The following ARHGEF28 variants were observed in gnomAD, a reference collection of about 807,000 sequenced individuals.
ARHGEF28 encodes 190 kDa guanine nucleotide exchange factor.
Under a neutral mutation model 206.6 loss-of-function variants are expected in ARHGEF28, and 152 were observed. That is an observed-to-expected ratio of 0.74 (90% CI 0.64 to 0.84). The LOEUF (loss-of-function observed/expected upper bound fraction) is 0.84, where lower values mean the gene tolerates loss of function less well. ARHGEF28 is among the 40% of genes least tolerant of loss of function. ARHGEF28 has a pLI of 0.00. For missense variants in ARHGEF28, 2,028 were observed against 2,073.2 expected (o/e 0.98, Z 0.42); for synonymous variants, 763 against 776.4 (o/e 0.98, Z 0.29).
At position 73,873,064 on chromosome 5, in the gene ARHGEF28, G is replaced by A; in HGVS notation, c.2632G>A (p.Gly878Ser). Reference sequence around the variant, plus strand: ...CATCATGTCTGAGATCTTCAGGAAAGGCATGAAAGAGGAGCTGCAGCTGGA... The same window carrying A: ...CATCATGTCTGAGATCTTCAGGAAAAGCATGAAAGAGGAGCTGCAGCTGGA... ...LFIMSEIFRK[G>S]MKEELQLDHS... Residue 878 changes from glycine to serine, a missense_variant, in exon 22 of 36, where the codon GGC becomes AGC. Transcript: ENST00000513042. 1 of 1,613,642 alleles carries A rather than the reference G, an allele frequency of 6.2e-7. No homozygotes were observed. The highest frequency in any genetic ancestry group is 8.5e-7 in the Non-Finnish European group (1 of 1,179,752).
chr5:73,868,721 A>G (rs1759872203), intron 20 of ARHGEF28, among the ~76,000 whole-genome samples: 1 of 151,998 alleles, frequency 6.6e-6, no homozygotes. Context: ...ATCTCGGCTC[A>G]TTGCAACCTC....
At chr5:73,816,118 G>A (rs1036639993) in intron 9 of ARHGEF28, among the ~76,000 whole-genome samples, 2 of 152,036 alleles carry the variant, frequency 1.3e-5, no homozygotes, top group African/African-American at 2.4e-5. Flanking sequence ...CATCTGGGGT[G>A]GGGGGTGCCA....
chr5:73,819,301 C>T (rs535833831), intron 9 of ARHGEF28, among the ~76,000 whole-genome samples: 2 of 152,292 alleles, frequency 1.3e-5, no homozygotes, highest in South Asian at 2.1e-4. Flanking sequence ...GGTGGTCCCT[C>T]CATTACTCTG....
chr5:73,721,330 C>G (rs1749928160), intron 2 of ARHGEF28, among the ~76,000 whole-genome samples: 1 of 152,150 alleles, frequency 6.6e-6, no homozygotes, highest in Non-Finnish European at 1.5e-5. Context: ...TCGCTTTTAC[C>G]ATCTTCTTGA....
chr5:73,898,256 A>G, intron 30 of ARHGEF28, 163 bp downstream of exon 30: 1 of 783,790 alleles, frequency 1.3e-6, no homozygotes, highest in Admixed American at 3.1e-5. Context: ...CTAAATGAAT[A>G]TCATAGGCAT....
At chr5:73,933,352 A>T (rs541859300) in intron 35 of ARHGEF28, among the ~76,000 whole-genome samples, 1 of 152,234 alleles carries the variant, frequency 6.6e-6, no homozygotes, top group Non-Finnish European at 1.5e-5. Context: ...TATAAGCTCA[A>T]ATGAACCTTA....
chr5:73,734,794 T>G (rs949955976), intron 2 of ARHGEF28, among the ~76,000 whole-genome samples: 49 of 152,180 alleles, frequency 3.2e-4, no homozygotes, highest in African/African-American at 1.1e-3. Flanking sequence ...CTTCTGTTTT[T>G]TCTTTTTCTT....
chr5:73,746,427 C>A (rs1292425675), intron 2 of ARHGEF28, among the ~76,000 whole-genome samples: 1 of 151,850 alleles, frequency 6.6e-6, no homozygotes, highest in African/African-American at 2.4e-5. Flanking sequence ...ATGTATTATG[C>A]CATGAGTATA....
At chr5:73,765,024 T>C (rs1023286387) in intron 4 of ARHGEF28, among the ~76,000 whole-genome samples, 1 of 152,214 alleles carries the variant, frequency 6.6e-6, no homozygotes, top group Non-Finnish European at 1.5e-5. Flanking sequence ...GTTCATCATT[T>C]TTGGCATTTT....
chr5:73,831,987 G>A (rs892845610), intron 9 of ARHGEF28, among the ~76,000 whole-genome samples: 14 of 151,580 alleles, frequency 9.2e-5, no homozygotes, highest in Non-Finnish European at 2.9e-5. Context: ...CACCATGTCC[G>A]GCCTGAAGTT....
At position 73,668,266 on chromosome 5, in the gene ARHGEF28, G is replaced by T. The variant is rs541253833; in HGVS notation, c.-11-16575G>T. ...CCAATTTCCTGTCTTAGTCTGTTTCGTGCTGCTGTAGCAGAATAACACAGA... is the reference window on the plus strand; with the variant it reads ...CCAATTTCCTGTCTTAGTCTGTTTCTTGCTGCTGTAGCAGAATAACACAGA... On this transcript the variant is annotated intron_variant, in intron 1 of 35. Transcript: ENST00000513042. 6.6e-5 allele frequency among the ~76,000 whole-genome samples: 10 copies of T among 152,240 alleles called. No homozygotes were observed. The South Asian group carries it at 1.2e-3, about 19-fold the overall frequency.
At chr5:73,756,452 C>T (rs1250877486) in intron 4 of ARHGEF28, among the ~76,000 whole-genome samples, 2 of 152,202 alleles carry the variant, frequency 1.3e-5, no homozygotes, top group Non-Finnish European at 2.9e-5. Flanking sequence ...AAACTGTCTG[C>T]AGCCTAGACT....
intron 2 of ARHGEF28, among the ~76,000 whole-genome samples, chr5:73,686,310 C>T (rs1184602617): frequency 6.6e-6 from 1 of 151,976 alleles, no homozygotes; most frequent in Admixed American, 6.6e-5. Flanking sequence ...TTCCACCCTC[C>T]TCCCCTACCT....
At chr5:73,696,238 A>T (rs2112274587) in intron 2 of ARHGEF28, among the ~76,000 whole-genome samples, 1 of 152,318 alleles carries the variant, frequency 6.6e-6, no homozygotes, top group East Asian at 1.9e-4. Context: ...GGAGGGTCCC[A>T]TTGACAAAAG....
Position 73,872,991 on chromosome 5 carries a change from C to T in ARHGEF28, c.2567-8C>T, listed in dbSNP as rs1760204617. On this transcript the variant is annotated splice_polypyrimidine_tract_variant and splice_region_variant and intron_variant, in intron 21 of 35. Transcript: ENST00000513042. ...TGTTTAAGGCTTATGTGTGCTCACACATTTCAGAGCTAATGCAAACAGAGA... is the reference window on the plus strand; with the variant it reads ...TGTTTAAGGCTTATGTGTGCTCACATATTTCAGAGCTAATGCAAACAGAGA... The T allele has an allele frequency of 1.2e-6, 2 of 1,613,096 alleles. No homozygotes were observed. The highest frequency in any genetic ancestry group is 1.7e-6 in the Non-Finnish European group (2 of 1,179,350).
intron 30 of ARHGEF28, chr5:73,900,858 T>G (rs554488785): frequency 5.1e-6 from 1 of 197,050 alleles, no homozygotes; most frequent in East Asian, 1.3e-4. Context: ...GGCATTTTCC[T>G]ATTAAGTGAG....
rs375160240 is a variant in ARHGEF28, at chr5:73,858,079, A to T, written c.1915-8A>T. ...CCCACTTTCCTACTGCTGCTGCTGC[A>T]TCTGAAGACAAAAAGCAAGGATGCC... is the stretch of plus-strand genomic sequence containing the variant. On this transcript the variant is annotated splice_polypyrimidine_tract_variant and splice_region_variant and intron_variant, in intron 15 of 35. Transcript: ENST00000513042. 1.2e-5 allele frequency: 19 copies of T among 1,596,590 alleles called. No homozygotes were observed. In the African/African-American group the frequency reaches 2.3e-4, roughly 19 times the overall value.
At chr5:73,875,385 T>A (rs1580021785) in intron 22 of ARHGEF28, among the ~76,000 whole-genome samples, 1 of 150,770 alleles carries the variant, frequency 6.6e-6, no homozygotes, top group Non-Finnish European at 1.5e-5. Flanking sequence ...TTCACTCTGA[T>A]GGTAGTTTCT....
At chr5:73,893,396 C>A in intron 28 of ARHGEF28, 108 bp downstream of exon 28, 2 of 788,852 alleles carry the variant, frequency 2.5e-6, no homozygotes, top group Non-Finnish European at 3.6e-6. Flanking sequence ...ATCCTGTGCA[C>A]CTGAGGCCCA....
Sources: allele counts gnomAD v4.1 joint callset (sites outside exome capture counted in the v4.1 genomes callset), GRCh38; gene constraint gnomAD v4.1.1; transcripts MANE v1.5; gene names NCBI Gene and HGNC (gene_info 2026-07-23, HGNC 2026-07-21).